The following TTLL5 variants were observed in gnomAD, a reference collection of about 807,000 sequenced individuals.
The protein encoded by TTLL5 is tubulin polyglutamylase TTLL5.
A neutral mutation model predicts 168.4 loss-of-function variants in TTLL5; 132 were observed. That is an observed-to-expected ratio of 0.78 (90% CI 0.68 to 0.91). The LOEUF is 0.91. TTLL5 is among the 40% of genes least tolerant of loss of function. The pLI is 0.00. For synonymous variants in TTLL5, 546 were observed against 558.6 expected (o/e 0.98, Z 0.32); for missense variants, 1,545 against 1,581.5 (o/e 0.98, Z 0.39).
chr14:75,917,098 G>A (rs1403504266), intron 31 of TTLL5, among the ~76,000 whole-genome samples: 1 of 152,194 alleles, frequency 6.6e-6, no homozygotes, highest in Non-Finnish European at 1.5e-5. Context: ...CAGAGTTCTG[G>A]AGCTGAATGA....
At chr14:75,870,405 G>C (rs945235799) in intron 29 of TTLL5, among the ~76,000 whole-genome samples, 1 of 152,106 alleles carries the variant, frequency 6.6e-6, no homozygotes, top group African/African-American at 2.4e-5. Flanking sequence ...ACCACGCCCG[G>C]CCTCTCCTCA....
intron 3 of TTLL5, among the ~76,000 whole-genome samples, chr14:75,678,543 C>T (rs765842722): frequency 1.3e-5 from 2 of 152,064 alleles, no homozygotes; most frequent in Non-Finnish European, 2.9e-5. Context: ...GTCATATTTC[C>T]TTAGTCTACT....
At chr14:75,923,337 G>T (rs2140143260) in intron 31 of TTLL5, among the ~76,000 whole-genome samples, 1 of 152,150 alleles carries the variant, frequency 6.6e-6, no homozygotes, top group South Asian at 2.1e-4. Context: ...GCTTTCTCTT[G>T]TGGGCATTTA....
intron 30 of TTLL5, among the ~76,000 whole-genome samples, chr14:75,893,594 G>A (rs971584951): frequency 3.3e-5 from 5 of 152,056 alleles, no homozygotes; most frequent in Admixed American, 6.5e-5. Flanking sequence ...CGAGGTGGGC[G>A]GATCACGAGG....
intron 30 of TTLL5, among the ~76,000 whole-genome samples, chr14:75,889,883 G>A (rs2032312375): frequency 6.8e-6 from 1 of 147,688 alleles, no homozygotes; most frequent in South Asian, 2.2e-4. Context: ...GAGGGAGGGA[G>A]GGAGGAGGTC....
At chr14:75,780,859 C>T (rs1162137048) in intron 24 of TTLL5, among the ~76,000 whole-genome samples, 1 of 152,142 alleles carries the variant, frequency 6.6e-6, no homozygotes, top group Non-Finnish European at 1.5e-5. Flanking sequence ...TTCATTCATT[C>T]TTTCTATACT....
rs1172999369 is a variant in TTLL5, at chr14:75,719,715, G to C, written c.843-20G>C. On this transcript the variant is annotated intron_variant, in intron 10 of 31. Coordinates refer to ENST00000298832, the MANE Select transcript of TTLL5 (RefSeq NM_015072.5). ...CAAGCCTAGTTACATATGTGACTTT[G>C]ATTTATTAATTTGTTTTAGTTGTGA... The C allele has an allele frequency of 3.8e-6, 6 of 1,590,978 alleles. No homozygotes were observed. The highest frequency in any genetic ancestry group is 5.1e-6 in the Non-Finnish European group (6 of 1,169,678).
intron 31 of TTLL5, among the ~76,000 whole-genome samples, chr14:75,952,099 C>T (rs974936099): frequency 4.6e-5 from 7 of 152,078 alleles, no homozygotes; most frequent in South Asian, 2.1e-4. Flanking sequence ...ATAAAAAAGA[C>T]GACTCAGGTT....
intron 20 of TTLL5, among the ~76,000 whole-genome samples, chr14:75,769,149 T>A (rs759278194): frequency 1.3e-5 from 2 of 152,228 alleles, no homozygotes; most frequent in South Asian, 2.1e-4. Context: ...TATTTCTTCA[T>A]GAATCTTGTG....
chr14:75,741,177 G>A (rs1016017960), intron 15 of TTLL5, among the ~76,000 whole-genome samples: 2 of 152,186 alleles, frequency 1.3e-5, no homozygotes, highest in Non-Finnish European at 2.9e-5. Flanking sequence ...TCTTCTCTGG[G>A]AAGATTTCTG....
chr14:75,947,354 A>G (rs2034806858), intron 31 of TTLL5, among the ~76,000 whole-genome samples: 1 of 152,232 alleles, frequency 6.6e-6, no homozygotes, highest in Non-Finnish European at 1.5e-5. Context: ...AGCTATATTT[A>G]TCAGACAAAA....
intron 12 of TTLL5, among the ~76,000 whole-genome samples, chr14:75,731,384 C>T (rs1376387532): frequency 5.2e-5 from 5 of 95,282 alleles, no homozygotes; most frequent in South Asian, 2.8e-4. Context: ...TACACACACA[C>T]ACACACACAC....
chr14:75,771,937 T>TA, intron 21 of TTLL5, 83 bp downstream of exon 21: 2 of 1,456,964 alleles, frequency 1.4e-6, no homozygotes, highest in South Asian at 1.4e-5. Context: ...CCTATTAGGG[T>TA]AAAGTGCGAT....
chr14:75,785,515 G>A (rs1892318633), intron 26 of TTLL5, among the ~76,000 whole-genome samples: 1 of 151,984 alleles, frequency 6.6e-6, no homozygotes, highest in African/African-American at 2.4e-5. Flanking sequence ...TTACATTTAG[G>A]TCTTTTGTCC....
chr14:75,707,641 G>A lies in TTLL5; in HGVS notation c.674G>A (p.Arg225His), dbSNP rs772356671. 25 of 1,611,246 alleles carry A rather than the reference G, an allele frequency of 1.6e-5. No homozygotes were observed. The highest frequency in any genetic ancestry group is 4.4e-5 in the South Asian group (4 of 90,622). Residue 225 changes from arginine (R) to histidine (H), a missense_variant, in exon 9 of 32, where the codon CGC becomes CAC. By Grantham distance (29) the Arg-to-His change is conservative (BLOSUM62 0). Coordinates refer to ENST00000298832, the MANE Select transcript of TTLL5 (RefSeq NM_015072.5). ...TTTTTAGATTTCAAGTTTGACGTGC[G>A]CCTCTATGTGCTCGTGACTTCCTAT... ...LLIDDFKFDVRLYVLVTSYDP... is the reference protein window; with the variant it reads ...LLIDDFKFDVHLYVLVTSYDP...
chr14:75,846,473 TATC>T (rs1896545797), intron 28 of TTLL5, among the ~76,000 whole-genome samples: 2 of 152,198 alleles, frequency 1.3e-5, no homozygotes, highest in South Asian at 4.1e-4. Flanking sequence ...CGAACCATGA[TATC>T]ATGATAAGAT....
intron 9 of TTLL5, chr14:75,710,058 T>C (rs1377290288): frequency 1.3e-5 from 2 of 152,102 alleles, no homozygotes; most frequent in African/African-American, 4.8e-5. Context: ...TGTCAAGTTT[T>C]AGAAACTGAT....
chr14:75,780,864 T>C (rs1388038365), intron 24 of TTLL5, among the ~76,000 whole-genome samples: 2 of 152,224 alleles, frequency 1.3e-5, no homozygotes, highest in African/African-American at 4.8e-5. Flanking sequence ...TCATTCTTTC[T>C]ATACTTTTTT....
In TTLL5 at chr14:75,934,562, TA is replaced by T. The variant is rs562833364; in HGVS notation, c.3824-19861del. On this transcript the variant is annotated intron_variant, in intron 31 of 31. Transcript: ENST00000298832. ...GGACTAGATTGAAGAGAAAAGGTATTATCAATAAATGCTTAAGTCTAGGTTG... is the reference window on the plus strand; with the variant it reads ...GGACTAGATTGAAGAGAAAAGGTATTTCAATAAATGCTTAAGTCTAGGTTG... Among the ~76,000 whole-genome samples the T allele has an allele frequency of 1.6e-4, 25 of 152,336 alleles. No individual in the cohort carries two copies. The East Asian group carries it at 4.8e-3, about 29-fold the overall frequency.
Sources: allele counts gnomAD v4.1 joint callset (sites outside exome capture counted in the v4.1 genomes callset), GRCh38; gene constraint gnomAD v4.1.1; transcripts MANE v1.5; gene names NCBI Gene and HGNC (gene_info 2026-07-23, HGNC 2026-07-21).